NSD1: variants seen among roughly 807,000 people sequenced by gnomAD.
NSD1 encodes histone-lysine N-methyltransferase, H3 lysine-36 specific.
Under a neutral mutation model 242.7 loss-of-function variants are expected in NSD1, and 26 were observed. The ratio of observed to expected loss-of-function variants is 0.11; its 90% CI spans 0.08 to 0.15. The LOEUF (loss-of-function observed/expected upper bound fraction) is 0.15. Among genes scored for constraint, NSD1 ranks in the 10% least tolerant of loss-of-function variants. The probability of loss-of-function intolerance (pLI) is 1.00; values close to 1 mark genes in which losing one functional copy is unlikely to be tolerated. For synonymous variants in NSD1, 1,106 were observed against 1,178.1 expected (o/e 0.94, Z 1.25); for missense variants, 2,495 against 3,272.8 (o/e 0.76, Z 5.80).
At chr5:177,160,624 C>T (rs900082951) in intron 2 of NSD1, among the ~76,000 whole-genome samples, 2 of 151,936 alleles carry the variant, frequency 1.3e-5, no homozygotes, top group African/African-American at 4.8e-5. Flanking sequence ...CTTAAGTTCT[C>T]AATTAAAAGA....
In NSD1 at chr5:177,209,718, G is replaced by T. The variant is rs140095431; in HGVS notation, c.1319G>T (p.Arg440Leu). The change falls in exon 5 of 23, where the codon CGA (arginine) becomes CTA (leucine). Residue 440 changes from arginine to leucine, a missense_variant. Transcript: ENST00000439151. ...QYDVPKGSKNRKCIPGSIKLD... is the reference protein window; with the variant it reads ...QYDVPKGSKNLKCIPGSIKLD... Reference sequence around the variant, plus strand: ...GATGTTCCCAAGGGGTCAAAGAACCGAAAATGTATTCCTGGTTCAATCAAG... The same window carrying T: ...GATGTTCCCAAGGGGTCAAAGAACCTAAAATGTATTCCTGGTTCAATCAAG... 2 of 1,613,940 alleles carry T rather than the reference G, an allele frequency of 1.2e-6. No homozygotes were observed. Among genetic ancestry groups the T allele is most frequent in the Admixed American group, 1.7e-5 (1 of 60,010 alleles).
Position 177,294,217 on chromosome 5 carries a change from T to C in NSD1, c.6849T>C (p.Leu2283=), listed in dbSNP as rs761535785. The stretch of plus-strand genomic sequence containing the variant: ...GGCCATTGCTACCTGAAAGACCTCT[T>C]GAGAGAACTGACTCCAGGCCCCAGC... ...CQRPLLPERP[L]ERTDSRPQPL... The change falls in exon 23 of 23, where the codon CTT becomes CTC. Residue 2283 remains leucine, a synonymous_variant. Coordinates refer to ENST00000439151, the MANE Select transcript of NSD1 (RefSeq NM_022455.5). 1 of 1,613,398 alleles carries C rather than the reference T, an allele frequency of 6.2e-7. No individual in the cohort carries two copies. Among genetic ancestry groups the C allele is most frequent in the Non-Finnish European group, 8.5e-7 (1 of 1,179,472 alleles).
chr5:177,204,444 C>T, intron 4 of NSD1, 152 bp downstream of exon 4: 1 of 704,126 alleles, frequency 1.4e-6, no homozygotes, highest in East Asian at 2.9e-5. Context: ...ACCTCCGCGT[C>T]CCAGGTTCAA....
intron 17 of NSD1, 76 bp downstream of exon 17, chr5:177,273,860 A>T: frequency 1.0e-6 from 1 of 970,076 alleles, no homozygotes; most frequent in Non-Finnish European, 1.6e-6. Flanking sequence ...GTTCATGACA[A>T]GAACGGAAGC....
chr5:177,247,265 A>C (rs1488410794), intron 10 of NSD1, among the ~76,000 whole-genome samples: 1 of 152,166 alleles, frequency 6.6e-6, no homozygotes, highest in South Asian at 2.1e-4. Flanking sequence ...CCTCATCTCT[A>C]CTAACAATAC....
intron 2 of NSD1, among the ~76,000 whole-genome samples, chr5:177,167,352 C>G (rs1033321886): frequency 1.3e-5 from 2 of 152,008 alleles, no homozygotes; most frequent in Non-Finnish European, 2.9e-5. Context: ...GTCTGTCCAA[C>G]ATGGTGAAAC....
At chr5:177,284,917 A>G (rs115223504) in intron 20 of NSD1, among the ~76,000 whole-genome samples, 115 of 152,296 alleles carry the variant, frequency 7.6e-4, no homozygotes, top group African/African-American at 2.6e-3. Flanking sequence ...CCTGGGTAGT[A>G]TCGTGAGAAC....
At chr5:177,266,628 C>T (rs1757499180) in intron 14 of NSD1, 1 of 542,046 alleles carries the variant, frequency 1.8e-6, no homozygotes, top group Non-Finnish European at 2.9e-6. Context: ...GCCAAGACCC[C>T]CGCCTTTTTC....
intron 3 of NSD1, among the ~76,000 whole-genome samples, chr5:177,196,007 T>A (rs1199305841): frequency 6.6e-6 from 1 of 152,208 alleles, no homozygotes; most frequent in Non-Finnish European, 1.5e-5. Context: ...TTTTGATGCC[T>A]ATTCAGTGAT....
intron 2 of NSD1, among the ~76,000 whole-genome samples, chr5:177,165,326 AC>A (rs888086893): frequency 1.3e-5 from 2 of 151,598 alleles, no homozygotes; most frequent in Non-Finnish European, 2.9e-5. Context: ...TTGCCACCAC[AC>A]CCTGCTAATT....
Position 177,269,573 on chromosome 5 carries a change from GTTT to G in NSD1, c.5304-27_5304-25del. 1 of 1,608,466 alleles carries G rather than the reference GTTT, an allele frequency of 6.2e-7. No individual in the cohort carries two copies. The highest frequency in any genetic ancestry group is 8.5e-7 in the Non-Finnish European group (1 of 1,175,056). On this transcript the variant is annotated intron_variant, in intron 15 of 22. Transcript: ENST00000439151. The surrounding 1 kb of genome is among the most constrained non-coding windows in gnomAD (Gnocchi z 5.1). ...CCTAATGCCTTGCAGCCTTCTAGAG[GTTT>G]TCCTTCTCCTTTTCACCTTTCCCAG...
At chr5:177,249,565 C>T (rs1430626345) in intron 11 of NSD1, among the ~76,000 whole-genome samples, 1 of 152,090 alleles carries the variant, frequency 6.6e-6, no homozygotes, top group Admixed American at 6.6e-5. Flanking sequence ...CTCCTGGGTT[C>T]ACGCCATTCT....
intron 2 of NSD1, among the ~76,000 whole-genome samples, chr5:177,189,050 A>C (rs2149817402): frequency 6.6e-6 from 1 of 152,266 alleles, no homozygotes; most frequent in South Asian, 2.1e-4. Flanking sequence ...CTCAAAAAAA[A>C]CACACAAAAA....
In NSD1 at chr5:177,183,386, C is replaced by T. The variant is rs76502057; in HGVS notation, c.928-8498C>T. ...GAACCTGTAGTATCTCCAAGGTATG[C>T]TTTTGCAAGTTTTTGTATGGACATG... On this transcript the variant is annotated intron_variant, in intron 2 of 22. Transcript: ENST00000439151. 8.4e-3 allele frequency among the ~76,000 whole-genome samples: 1,282 copies of T among 152,196 alleles called. 15 individuals are homozygous for T. Among genetic ancestry groups the T allele is most frequent in the Non-Finnish European group, 9.9e-3 (675 of 68,014 alleles).
In NSD1 at chr5:177,155,045, C is replaced by T. The variant is rs1046340805; in HGVS notation, c.927+19015C>T. Among the ~76,000 whole-genome samples the T allele has an allele frequency of 2.7e-5, 4 of 148,976 alleles. No homozygotes were observed. In the East Asian group the frequency reaches 6.0e-4, roughly 22 times the overall value. ...TTGTTCTGTTGCCCAAGTTGGAGTG[C>T]AGTGGTTTGATCTCGGCTCACTGCA... is the stretch of plus-strand genomic sequence containing the variant. On this transcript the variant is annotated intron_variant, in intron 2 of 22. Transcript: ENST00000439151.
At chr5:177,266,674 G>T in intron 14 of NSD1, 1 of 336,516 alleles carries the variant, frequency 3.0e-6, no homozygotes, top group South Asian at 9.6e-5. Context: ...GAAGCACAGT[G>T]AGAACAAGAT....
At chr5:177,262,362 G>A (rs999626948) in intron 14 of NSD1, among the ~76,000 whole-genome samples, 3 of 40,544 alleles carry the variant, frequency 7.4e-5, no homozygotes, top group Non-Finnish European at 1.8e-4. Flanking sequence ...AGCTATTCAG[G>A]TGGCCAAGGT....
chr5:177,217,721 G>A (rs1415848214), intron 5 of NSD1, among the ~76,000 whole-genome samples: 2 of 142,282 alleles, frequency 1.4e-5, no homozygotes, highest in African/African-American at 5.4e-5. Flanking sequence ...ATGATGGAGT[G>A]CAGTGGCGCG....
chr5:177,215,004 A>G (rs1423108386), intron 5 of NSD1, among the ~76,000 whole-genome samples: 1 of 151,688 alleles, frequency 6.6e-6, no homozygotes, highest in African/African-American at 2.4e-5. Context: ...CCCTGCCGAT[A>G]ACCTTTTTTT....
Sources: gnomAD v4.1 joint callset for allele counts (sites outside exome capture counted in the v4.1 genomes callset) on GRCh38, gnomAD v4.1.1 for gene constraint, Gnocchi (gnomAD v3.1) non-coding constraint, MANE v1.5 for transcripts, NCBI Gene and HGNC (gene_info 2026-07-23, HGNC 2026-07-21) for gene names.